BOD1L1: variants seen among roughly 807,000 people sequenced by gnomAD.
The protein encoded by BOD1L1 is biorientation of chromosomes in cell division protein 1-like 1.
In BOD1L1, 86 loss-of-function variants were observed where a neutral mutation model predicts 240.7. The ratio of observed to expected loss-of-function variants is 0.36; its 90% CI spans 0.30 to 0.43. BOD1L1 has a LOEUF of 0.43. Ranked by LOEUF, BOD1L1 falls within the 20% of genes least tolerant of loss-of-function variation. The pLI is 1.00. For missense variants in BOD1L1, 3,554 were observed against 3,643.5 expected (o/e 0.98, Z 0.63); for synonymous variants, 1,268 against 1,272.3 (o/e 1.00, Z 0.07).
chr4:13,614,486 T>C lies in BOD1L1; in HGVS notation c.884A>G (p.Lys295Arg), dbSNP rs1404396177. Residue 295 changes from lysine to arginine, a missense_variant, in exon 4 of 26, where the codon AAA becomes AGA. Coordinates refer to ENST00000040738, the MANE Select transcript of BOD1L1 (RefSeq NM_148894.3). The stretch of plus-strand genomic sequence containing the variant: ...TAGCAGAATTAAATTATTATGCTCT[T>C]TTGTGTAATTTTTAATTTCTTCGAC... ...CPVEEIKNYT[K>R]EHNNLILLNK... 2 of 1,613,700 alleles carry C rather than the reference T, an allele frequency of 1.2e-6. No individual in the cohort carries two copies. The highest frequency in any genetic ancestry group is 1.7e-6 in the Non-Finnish European group (2 of 1,179,834).
Position 13,600,697 on chromosome 4 carries a change from C to T in BOD1L1, c.6203G>A (p.Gly2068Asp). The T allele has an allele frequency of 6.2e-7, 1 of 1,613,964 alleles. No homozygotes were observed. Among genetic ancestry groups the T allele is most frequent in the South Asian group, 1.1e-5 (1 of 91,076 alleles). The stretch of plus-strand genomic sequence containing the variant: ...ACTGGTGGAAATAATCAAAACTTTG[C>T]CTTGATTTTTACCCCCTGCTAAGCT... ...QNSLAGGKNQ[G>D]KVLIISTSTT... The change falls in exon 10 of 26, where the codon GGC becomes GAC. Residue 2068 changes from glycine to aspartate, a missense_variant. By Grantham distance (94) the Gly-to-Asp change is moderately conservative. Coordinates refer to ENST00000040738, the MANE Select transcript of BOD1L1 (RefSeq NM_148894.3).
chr4:13,602,789 G>C lies in BOD1L1; in HGVS notation c.4111C>G (p.Gln1371Glu), dbSNP rs759258870. Residue 1371 changes from glutamine to glutamate, a missense_variant, in exon 10 of 26, where the codon CAG becomes GAG. This residue lies in a region of BOD1L1 where 3,393 missense variants were observed against 3,427.1 expected (regional missense o/e 0.99). Transcript: ENST00000040738. ...TGTTTACCATCCAATAAAGTAGCCT[G>C]GTGAGCTTCTGGAATGTGTCTTTTG... Reference protein sequence around the residue: ...TSKRHIPEAHQATLLDGKQGK... With the variant: ...TSKRHIPEAHEATLLDGKQGK... The C allele has an allele frequency of 6.2e-7, 1 of 1,613,924 alleles. No homozygotes were observed. The highest frequency in any genetic ancestry group is 8.5e-7 in the Non-Finnish European group (1 of 1,179,880).
chr4:13,582,362 C>T, intron 18 of BOD1L1, 52 bp from the exon 19 acceptor site: 1 of 1,393,328 alleles, frequency 7.2e-7, no homozygotes, highest in Non-Finnish European at 1.0e-6. Context: ...GTCAGCCTTC[C>T]CCACCTTTAC....
At chr4:13,591,871 A>G (rs1227408938) in intron 13 of BOD1L1, 52 bp downstream of exon 13, 3 of 1,404,168 alleles carry the variant, frequency 2.1e-6, no homozygotes, top group Non-Finnish European at 2.9e-6. Flanking sequence ...CCAAAAAAAT[A>G]AAATTAAAAA....
chr4:13,626,128 C>G (rs904918456), intron 1 of BOD1L1: 5 of 152,248 alleles, frequency 3.3e-5, no homozygotes, highest in African/African-American at 1.2e-4. Flanking sequence ...CGAGACCATC[C>G]TGGCCAACAC....
At chr4:13,590,941 G>T (rs1375585958) in intron 13 of BOD1L1, among the ~76,000 whole-genome samples, 4 of 152,084 alleles carry the variant, frequency 2.6e-5, no homozygotes, top group African/African-American at 9.7e-5. Flanking sequence ...GGACATTTAT[G>T]CTCGACTGGG....
intron 19 of BOD1L1, among the ~76,000 whole-genome samples, chr4:13,581,528 T>A (rs1713229894): frequency 6.6e-6 from 1 of 152,220 alleles, no homozygotes; most frequent in African/African-American, 2.4e-5. Flanking sequence ...TGGCCCAAGT[T>A]AGTTGTGACC....
chr4:13,577,371 T>C, intron 24 of BOD1L1, 32 bp downstream of exon 24: 1 of 1,594,706 alleles, frequency 6.3e-7, no homozygotes, highest in Non-Finnish European at 8.6e-7. Flanking sequence ...TTTGAAACAA[T>C]AAGACTTATT....
At chr4:13,577,313 C>T (rs1200757278) in intron 24 of BOD1L1, 90 bp downstream of exon 24, 9 of 1,010,302 alleles carry the variant, frequency 8.9e-6, no homozygotes, top group Non-Finnish European at 1.2e-5. Flanking sequence ...ATTAGCTGTA[C>T]CCATTGGATT....
At chr4:13,598,626 G>C (rs1714810394) in intron 10 of BOD1L1, among the ~76,000 whole-genome samples, 1 of 152,108 alleles carries the variant, frequency 6.6e-6, no homozygotes, top group Admixed American at 6.5e-5. Flanking sequence ...AAAACCTGTA[G>C]GTCAAAAAGG....
intron 17 of BOD1L1, among the ~76,000 whole-genome samples, chr4:13,584,118 T>G (rs1049441359): frequency 4.6e-5 from 7 of 152,248 alleles, no homozygotes; most frequent in African/African-American, 1.4e-4. Flanking sequence ...TTTAAGATTT[T>G]TAGATAAAAG....
intron 1 of BOD1L1, among the ~76,000 whole-genome samples, chr4:13,620,628 G>A (rs1274735687): frequency 1.3e-5 from 2 of 152,164 alleles, no homozygotes; most frequent in Non-Finnish European, 2.9e-5. Context: ...ACTTGTACAA[G>A]TTTGGAATTA....
intron 1 of BOD1L1, chr4:13,623,337 A>C (rs894327375): frequency 1.3e-5 from 2 of 152,150 alleles, no homozygotes; most frequent in Admixed American, 1.3e-4. Flanking sequence ...ATAACTAAGA[A>C]AGTGTCCAAA....
intron 10 of BOD1L1, among the ~76,000 whole-genome samples, chr4:13,598,083 G>C (rs1714764463): frequency 1.3e-5 from 2 of 152,144 alleles, no homozygotes; most frequent in African/African-American, 4.8e-5. Flanking sequence ...CTATGCAATT[G>C]TCATGCTTTA....
intron 19 of BOD1L1, among the ~76,000 whole-genome samples, chr4:13,582,027 A>AAT (rs373874801): frequency 9.9e-5 from 15 of 152,168 alleles, no homozygotes; most frequent in African/African-American, 3.4e-4. Context: ...GTCTCATACA[A>AAT]ATGTTTTGAA....
At position 13,600,908 on chromosome 4, in the gene BOD1L1, T is replaced by C. The variant is rs1246650179; in HGVS notation, c.5992A>G (p.Thr1998Ala). The C allele has an allele frequency of 3.1e-6, 5 of 1,613,934 alleles. No homozygotes were observed. The highest frequency in any genetic ancestry group is 3.4e-6 in the Non-Finnish European group (4 of 1,179,870). Residue 1998 changes from threonine to alanine, a missense_variant, in exon 10 of 26, where the codon ACT (threonine) becomes GCT (alanine). Transcript: ENST00000040738. ...CCCCCGACCAGGCCAGTGGAAATAG[T>C]GGTATCTTCAACTTTTTCGAGCTGA... ...DSQLEKVEDT[T>A]ISTGLVGGSY...
intron 17 of BOD1L1, 101 bp downstream of exon 17, chr4:13,586,295 G>A (rs1577324159): frequency 3.6e-6 from 2 of 555,008 alleles, no homozygotes; most frequent in Admixed American, 3.7e-5. Flanking sequence ...TTTAAAGAGG[G>A]ATAGTAAAAT....
At chr4:13,586,246 T>TA in intron 17 of BOD1L1, 150 bp downstream of exon 17, 1 of 430,378 alleles carries the variant, frequency 2.3e-6, no homozygotes, top group Non-Finnish European at 4.1e-6. Flanking sequence ...GACTAAAAAA[T>TA]AGACACCTTT....
In BOD1L1 at chr4:13,604,396, T is replaced by G. The variant is rs1715495830; in HGVS notation, c.2504A>C (p.Lys835Thr). 3 of 1,577,924 alleles carry G rather than the reference T, an allele frequency of 1.9e-6. No individual in the cohort carries two copies. The highest frequency in any genetic ancestry group is 2.6e-6 in the Non-Finnish European group (3 of 1,170,746). ...TCTTGATTTGTGCTCTGCCTTAGTT[T>G]TTTCAGCTGACAAGCGTCTCTCTTT... ...NKKERRLSAE[K>T]TKAEHKSRRS... The change falls in exon 10 of 26, where the codon AAA becomes ACA. Residue 835 changes from lysine (K) to threonine (T), a missense_variant. Lys to Thr is a moderately conservative substitution (Grantham distance 78). Coordinates refer to ENST00000040738, the MANE Select transcript of BOD1L1 (RefSeq NM_148894.3).
Sources: gnomAD v4.1 joint callset for allele counts (sites outside exome capture counted in the v4.1 genomes callset) on GRCh38, gnomAD v4.1.1 for gene constraint, gnomAD v4.1.1 regional missense constraint, MANE v1.5 for transcripts, NCBI Gene and HGNC (gene_info 2026-07-23, HGNC 2026-07-21) for gene names.